Variants in FRAS1 observed in about 807,000 individuals in gnomAD.
The protein encoded by FRAS1 is Fraser extracellular matrix complex subunit 1.
FRAS1 carries 290 observed loss-of-function variants against 435.2 expected under a neutral mutation model. That is an observed-to-expected ratio of 0.67 (90% CI 0.61 to 0.73). The LOEUF (loss-of-function observed/expected upper bound fraction) is 0.73. Among genes scored for constraint, FRAS1 ranks in the 30% least tolerant of loss-of-function variants. The probability of loss-of-function intolerance (pLI) is 0.00; values close to 1 mark genes in which losing one functional copy is unlikely to be tolerated. For missense variants in FRAS1, 4,860 were observed against 5,001.5 expected, an observed-to-expected ratio of 0.97 and a Z score of 0.85; for synonymous variants, 1,800 against 1,851.0, an observed-to-expected ratio of 0.97 and a Z score of 0.71.
chr4:78,384,895 G>T (rs914528753), intron 28 of FRAS1, among the ~76,000 whole-genome samples: 1 of 132,360 alleles, frequency 7.6e-6, no homozygotes, highest in Non-Finnish European at 1.5e-5. Flanking sequence ...GCAACACAGT[G>T]AGACCCTGTC....
chr4:78,307,198 C>G (rs1728779760), intron 14 of FRAS1, among the ~76,000 whole-genome samples: 1 of 152,194 alleles, frequency 6.6e-6, no homozygotes, highest in Non-Finnish European at 1.5e-5. Context: ...GTCAGGGACC[C>G]ACTTGAGGAG....
intron 2 of FRAS1, among the ~76,000 whole-genome samples, chr4:78,174,691 T>C (rs1393249128): frequency 6.6e-6 from 1 of 152,226 alleles, no homozygotes; most frequent in African/African-American, 2.4e-5. Flanking sequence ...ATATAATTTG[T>C]CCTGGGGATA....
chr4:78,526,673 C>A lies in FRAS1; in HGVS notation c.10925+16C>A. ...CCCCAGAAAGGTAGGAAAATATAGTCAATCCTCATTATTTGTTGATTCCTT... is the reference window on the plus strand; with the variant it reads ...CCCCAGAAAGGTAGGAAAATATAGTAAATCCTCATTATTTGTTGATTCCTT... On this transcript the variant is annotated intron_variant, in intron 70 of 73. Coordinates refer to ENST00000512123, the MANE Select transcript of FRAS1 (RefSeq NM_025074.7). 7.0e-7 allele frequency: 1 copy of A among 1,426,894 alleles called. No homozygotes were observed. The highest frequency in any genetic ancestry group is 1.4e-5 in the South Asian group (1 of 73,240). 88.4% of individuals were successfully genotyped at this position (1,426,894 alleles called of 1,614,324 possible). A position where few individuals can be genotyped will look rare whatever the true frequency, so the allele number is the denominator to read the frequency against.
At chr4:78,288,157 A>G (rs1449050011) in intron 14 of FRAS1, among the ~76,000 whole-genome samples, 1 of 152,220 alleles carries the variant, frequency 6.6e-6, no homozygotes, top group East Asian at 1.9e-4. Context: ...TTTACCTGTT[A>G]CTTTAAAACA....
At chr4:78,448,340 G>A (rs1253895400) in intron 44 of FRAS1, 24 bp downstream of exon 44, 16 of 1,564,682 alleles carry the variant, frequency 1.0e-5, no homozygotes, top group Admixed American at 1.8e-5. Context: ...AAAGGAGAGT[G>A]GCCATGGTTT....
intron 2 of FRAS1, among the ~76,000 whole-genome samples, chr4:78,106,243 A>G (rs1309865368): frequency 2.3e-5 from 2 of 88,634 alleles, no homozygotes; most frequent in Non-Finnish European, 4.8e-5. Flanking sequence ...GGTGGAGCCC[A>G]CCACAGCTCA....
At chr4:78,143,301 T>C (rs1307777159) in intron 2 of FRAS1, among the ~76,000 whole-genome samples, 2 of 152,144 alleles carry the variant, frequency 1.3e-5, no homozygotes, top group Non-Finnish European at 2.9e-5. Flanking sequence ...CTTTTAAATA[T>C]GTATATACCT....
intron 63 of FRAS1, among the ~76,000 whole-genome samples, chr4:78,509,992 G>A (rs1482943067): frequency 1.3e-5 from 2 of 152,208 alleles, no homozygotes; most frequent in East Asian, 1.9e-4. Context: ...ACATAGATGG[G>A]AGGCTTTGGA....
chr4:78,488,968 A>G lies in FRAS1; in HGVS notation c.8846A>G (p.Tyr2949Cys), dbSNP rs200212920. 103 of 1,613,592 alleles carry G rather than the reference A, an allele frequency of 6.4e-5. No homozygotes were observed. Among genetic ancestry groups the G allele is most frequent in the Admixed American group, 8.3e-5 (5 of 59,952 alleles). Residue 2949 changes from tyrosine (Y) to cysteine (C), a missense_variant, in exon 59 of 74, where the codon TAT (tyrosine) becomes TGT (cysteine). Tyr to Cys is a radical substitution (Grantham distance 194). Transcript: ENST00000512123. ...VPITRSGDLS[Y>C]ESSVRCYTQS... is the part of the protein sequence containing the mutation. ...ATCACTCGGAGCGGAGACCTGAGCT[A>G]TGAGTCATCAGTGAGGTGCTATACT...
At chr4:78,083,144 CTTGAGGAGGCT>C (rs1348413911) in intron 2 of FRAS1, among the ~76,000 whole-genome samples, 5 of 152,070 alleles carry the variant, frequency 3.3e-5, no homozygotes, top group African/African-American at 4.8e-5. Context: ...TCACTATACC[CTTGAGGAGGCT>C]TCATGCTGCA....
At chr4:78,100,645 T>C (rs576492909) in intron 2 of FRAS1, among the ~76,000 whole-genome samples, 97 of 152,344 alleles carry the variant, frequency 6.4e-4, no homozygotes, top group Non-Finnish European at 1.2e-3. Context: ...TCTGTCATGA[T>C]CTTGACATTC....
intron 65 of FRAS1, among the ~76,000 whole-genome samples, chr4:78,514,925 A>C (rs1334110461): frequency 6.6e-6 from 1 of 151,952 alleles, no homozygotes; most frequent in East Asian, 1.9e-4. Context: ...AAAATTAGCC[A>C]GGTGTGGTGA....
At chr4:78,431,172 G>C (rs1560723502) in intron 37 of FRAS1, among the ~76,000 whole-genome samples, 1 of 152,116 alleles carries the variant, frequency 6.6e-6, no homozygotes, top group Non-Finnish European at 1.5e-5. Flanking sequence ...TATCACTGGT[G>C]GGCTAATCTT....
intron 33 of FRAS1, among the ~76,000 whole-genome samples, chr4:78,419,559 G>C (rs143406607): frequency 0.012 from 1,871 of 152,326 alleles, 17 homozygotes; most frequent in Non-Finnish European, 0.019. Context: ...TGAGAATGTA[G>C]AACTATAGTC....
At chr4:78,086,718 C>A (rs1178178836) in intron 2 of FRAS1, among the ~76,000 whole-genome samples, 2 of 152,002 alleles carry the variant, frequency 1.3e-5, no homozygotes, top group Non-Finnish European at 2.9e-5. Flanking sequence ...CTCCCAAGAC[C>A]AAACCAGGAA....
intron 55 of FRAS1, among the ~76,000 whole-genome samples, chr4:78,479,071 C>G (rs947134693): frequency 2.0e-5 from 3 of 152,236 alleles, no homozygotes; most frequent in African/African-American, 7.2e-5. Context: ...TGTGTCATAT[C>G]TTTCCACCTG....
In FRAS1 at chr4:78,464,003, CTTTTCCCCTT is replaced by C. The variant is rs1415164338; in HGVS notation, c.6764-14_6764-5del. The C allele has an allele frequency of 1.9e-6, 3 of 1,612,178 alleles. No homozygotes were observed. Among genetic ancestry groups the C allele is most frequent in the African/African-American group, 2.7e-5 (2 of 74,986 alleles). ...ATTTTAATATCCTGTCTCTGTTTCT[CTTTTCCCCTT>C]TTTCTAGGTATCCAGATTAGTTCCT... On this transcript the variant is annotated splice_polypyrimidine_tract_variant and splice_region_variant and intron_variant, in intron 47 of 73. Coordinates refer to ENST00000512123, the MANE Select transcript of FRAS1 (RefSeq NM_025074.7).
At chr4:78,205,191 C>CTTTTTT (rs33943058) in intron 2 of FRAS1, among the ~76,000 whole-genome samples, 1 of 138,972 alleles carries the variant, frequency 7.2e-6, no homozygotes, top group Admixed American at 7.2e-5. Context: ...TCTTTCCTTC[C>CTTTTTT]TTTTTTTTTT....
At chr4:78,252,061 T>C (rs1302547986) in intron 4 of FRAS1, among the ~76,000 whole-genome samples, 3 of 152,178 alleles carry the variant, frequency 2.0e-5, no homozygotes, top group East Asian at 1.9e-4. Context: ...AGTAAACATA[T>C]GTGTATTTGA....
Sources: allele counts gnomAD v4.1 joint callset (sites outside exome capture counted in the v4.1 genomes callset), GRCh38; gene constraint gnomAD v4.1.1; transcripts MANE v1.5; gene names NCBI Gene and HGNC (gene_info 2026-07-23, HGNC 2026-07-21).